Variants in GATD1 observed in about 807,000 individuals in gnomAD.
GATD1 encodes glutamine amidotransferase class 1 domain containing 1.
GATD1 carries 23 observed loss-of-function variants against 25.9 expected under a neutral mutation model. The ratio of observed to expected loss-of-function variants is 0.89; its 90% confidence interval spans 0.64 to 1.26. The LOEUF (loss-of-function observed/expected upper bound fraction) is 1.26. GATD1 is among the 50% of genes most tolerant of loss of function. The pLI is 0.00. For missense variants in GATD1, 347 were observed against 312.5 expected, an observed-to-expected ratio of 1.11 and a Z score of -0.83; for synonymous variants, 177 against 134.6, an observed-to-expected ratio of 1.31 and a Z score of -2.18.
chr11:774,336 T>C (rs1299723151), intron 2 of GATD1, among the ~76,000 whole-genome samples: 2 of 152,228 alleles, frequency 1.3e-5, no homozygotes, highest in East Asian at 1.9e-4. Flanking sequence ...CAAAAATTTT[T>C]ATACATAATA....
rs368824104 is a variant in GATD1 at position 775,100 on chromosome 11, C to T, written c.107G>A (p.Ser36Asn). Residue 36 changes from serine to asparagine, a missense_variant, in exon 2 of 8, where the codon AGC (serine) becomes AAC (asparagine). Ser to Asn is a conservative substitution (Grantham distance 46, BLOSUM62 1). Coordinates refer to ENST00000319863, the MANE Select transcript of GATD1 (RefSeq NM_182612.4). The stretch of plus-strand genomic sequence containing the variant: ...GGCCACCTGCAGGTTGAAGGCGGTG[C>T]TGGCCATCGTGAAACAGTGGAGGAA... The part of the protein sequence containing the change: ...QSFLHCFTMA[S>N]TAFNLQVATP... The T allele has an allele frequency of 2.5e-4, 397 of 1,605,814 alleles. 2 individuals are homozygous for T. Among genetic ancestry groups the T allele is most frequent in the Non-Finnish European group, 2.0e-4 (236 of 1,177,324 alleles).
chr11:774,987 C>T (rs1038378111), intron 2 of GATD1, 79 bp downstream of exon 2: 46 of 1,324,690 alleles, frequency 3.5e-5, no homozygotes, highest in East Asian at 5.0e-5. Context: ...CAGGCCGCGG[C>T]GGCAGTCTCC....
Position 767,479 on chromosome 11 carries a change from G to GGTCT in GATD1, c.*3414_*3417dup, listed in dbSNP as rs1863120208. On this transcript the variant is annotated 3_prime_UTR_variant, in exon 8 of 8. Transcript: ENST00000319863. ...CCTGCAGGCAGCTCACGCGGAGACAGGTCTGTGGGGCCCCGCGTCAGAACC... is the reference window on the plus strand; with the variant it reads ...CCTGCAGGCAGCTCACGCGGAGACAGGTCTGTCTGTGGGGCCCCGCGTCAGAACC... 1 of 1,440,288 alleles carries GGTCT rather than the reference G, an allele frequency of 6.9e-7. No individual in the cohort carries two copies. Among genetic ancestry groups the GGTCT allele is most frequent in the African/African-American group, 1.4e-5 (1 of 69,838 alleles). 89.2% of individuals were successfully genotyped at this position (1,440,288 alleles called of 1,614,324 possible).
chr11:770,107 G>A lies in GATD1; in HGVS notation c.*790C>T. The A allele has an allele frequency of 8.2e-7, 1 of 1,217,620 alleles. No homozygotes were observed. Among genetic ancestry groups the A allele is most frequent in the Non-Finnish European group, 1.0e-6 (1 of 978,302 alleles). The allele number at this position is 1,217,620 out of a possible 1,614,324, so 75.4% of individuals were successfully genotyped here. On this transcript the variant is annotated 3_prime_UTR_variant, in exon 8 of 8. Coordinates refer to ENST00000319863, the MANE Select transcript of GATD1 (RefSeq NM_182612.4). ...TCCTGGACGCCCTAACCTGGGGCCA[G>A]GGGGCAGCCCGCTGGAGGGCCACAG...
intron 2 of GATD1, among the ~76,000 whole-genome samples, chr11:774,440 G>A (rs866214805): frequency 2.0e-5 from 3 of 152,366 alleles, no homozygotes; most frequent in Middle Eastern, 3.4e-3. Context: ...ATCAGAGGGT[G>A]GAGAATTCCT....
At chr11:772,561 A>AC in intron 4 of GATD1, 40 bp from the exon 5 acceptor site, 1 of 1,575,664 alleles carries the variant, frequency 6.3e-7, no homozygotes, top group Non-Finnish European at 8.7e-7. Context: ...GGACCCCGCC[A>AC]CCCGCACCCT....
intron 4 of GATD1, among the ~76,000 whole-genome samples, chr11:773,139 G>A (rs772431267): frequency 1.3e-5 from 2 of 152,174 alleles, no homozygotes; most frequent in African/African-American, 2.4e-5. Flanking sequence ...AGCCCAACCC[G>A]GAGCCGGGGC....
intron 1 of GATD1, 173 bp downstream of exon 1, chr11:777,223 CGAG>C: frequency 1.4e-5 from 4 of 282,418 alleles, no homozygotes; most frequent in Non-Finnish European, 1.9e-5. Flanking sequence ...GTCCCCGCCC[CGAG>C]CTCCATCCCG....
intron 1 of GATD1, 119 bp downstream of exon 1, chr11:777,280 C>A: frequency 2.6e-6 from 2 of 779,640 alleles, no homozygotes; most frequent in Non-Finnish European, 3.4e-6. Flanking sequence ...GCCCGGCGCC[C>A]CCAGCGGCCT....
At chr11:773,315 A>C in intron 4 of GATD1, 2 of 528,950 alleles carry the variant, frequency 3.8e-6, no homozygotes, top group East Asian at 3.6e-5. Context: ...AGAGGCCTGC[A>C]AGATGGTCAC....
In GATD1 at chr11:774,135, G is replaced by A. The variant is rs191166679; in HGVS notation, c.142-22C>T. Reference sequence around the variant, plus strand: ...TCCCCTGGAGAAGCAGAGCCCAGGGGCCGAGGGTCAGCACCAGGGATATCC... The same window carrying A: ...TCCCCTGGAGAAGCAGAGCCCAGGGACCGAGGGTCAGCACCAGGGATATCC... On this transcript the variant is annotated intron_variant, in intron 2 of 7. Transcript: ENST00000319863. The A allele has an allele frequency of 1.3e-3, 2,089 of 1,601,906 alleles. 3 individuals are homozygous for A. The highest frequency in any genetic ancestry group is 3.0e-3 in the Middle Eastern group (18 of 6,046).
At chr11:775,009 C>T in intron 2 of GATD1, 57 bp downstream of exon 2, 1 of 1,502,510 alleles carries the variant, frequency 6.7e-7, no homozygotes, top group Admixed American at 2.0e-5. Flanking sequence ...GACCTTGCCC[C>T]CGGAGAGGTG....
chr11:770,568 A>T lies in GATD1; in HGVS notation c.*329T>A. The T allele has an allele frequency of 7.1e-7, 1 of 1,411,300 alleles. No individual in the cohort carries two copies. Among genetic ancestry groups the T allele is most frequent in the Non-Finnish European group, 9.2e-7 (1 of 1,085,354 alleles). 87.4% of individuals were successfully genotyped at this position (1,411,300 alleles called of 1,614,324 possible). A position where few individuals can be genotyped will look rare whatever the true frequency, so the allele number is the denominator to read the frequency against. On this transcript the variant is annotated 3_prime_UTR_variant, in exon 8 of 8. Transcript: ENST00000319863. ...AGCCGACTCTGTCTAGTCAACAGTGACCACACGTGACAACCAGTCCTCCCT... is the reference window on the plus strand; with the variant it reads ...AGCCGACTCTGTCTAGTCAACAGTGTCCACACGTGACAACCAGTCCTCCCT...
intron 4 of GATD1, chr11:773,187 C>T: frequency 3.0e-6 from 1 of 330,438 alleles, no homozygotes; most frequent in Non-Finnish European, 5.6e-6. Flanking sequence ...CCTCCCTGCA[C>T]CCCTGCTGGC....
Position 770,169 on chromosome 11 carries a change from G to T in GATD1, c.*728C>A. Reference sequence around the variant, plus strand: ...TGCCCAGCAGGCTGGACCACTGTCTGCTCTTGATAGCCGCTCTACCCGAGG... The same window carrying T: ...TGCCCAGCAGGCTGGACCACTGTCTTCTCTTGATAGCCGCTCTACCCGAGG... On this transcript the variant is annotated 3_prime_UTR_variant, in exon 8 of 8. Coordinates refer to ENST00000319863, the MANE Select transcript of GATD1 (RefSeq NM_182612.4). 1 of 1,273,226 alleles carries T rather than the reference G, an allele frequency of 7.9e-7. No individual in the cohort carries two copies. The highest frequency in any genetic ancestry group is 3.6e-5 in the Admixed American group (1 of 27,886). 78.9% of individuals were successfully genotyped at this position (1,273,226 alleles called of 1,614,324 possible). A position where few individuals can be genotyped will look rare whatever the true frequency, so the allele number is the denominator to read the frequency against.
At position 767,242 on chromosome 11, in the gene GATD1, T is replaced by A; in HGVS notation, c.*3655A>T. 2.0e-6 allele frequency: 3 copies of A among 1,535,924 alleles called. No individual in the cohort carries two copies. Among genetic ancestry groups the A allele is most frequent in the Non-Finnish European group, 2.6e-6 (3 of 1,146,780 alleles). On this transcript the variant is annotated 3_prime_UTR_variant, in exon 8 of 8. Coordinates refer to ENST00000319863, the MANE Select transcript of GATD1 (RefSeq NM_182612.4). ...CACCATTTGCATGCTGCTGCATGGT[T>A]TTATTCCTCATGGGTAGATGAACAC...
chr11:777,390 G>A lies in GATD1; in HGVS notation c.64+9C>T, dbSNP rs57751948. On this transcript the variant is annotated intron_variant, in intron 1 of 7. Coordinates refer to ENST00000319863, the MANE Select transcript of GATD1 (RefSeq NM_182612.4). Reference sequence around the variant, plus strand: ...TCTTCGGACACTGGCCCCGGCCGCCGGGCCTCACCTTCGGCGGCGCCGCTG... The same window carrying A: ...TCTTCGGACACTGGCCCCGGCCGCCAGGCCTCACCTTCGGCGGCGCCGCTG... The A allele has an allele frequency of 0.019, 24,078 of 1,295,704 alleles. 1,935 individuals carry two copies. In the East Asian group the frequency reaches 0.28, roughly 15 times the overall value. The allele number at this position is 1,295,704 out of a possible 1,614,324, so 80.3% of individuals were successfully genotyped here.
chr11:771,119 G>C lies in GATD1; in HGVS notation c.545-15C>G. The C allele has an allele frequency of 1.3e-6, 2 of 1,575,910 alleles. No homozygotes were observed. The highest frequency in any genetic ancestry group is 2.3e-5 in the South Asian group (2 of 87,442). ...AGGCTCGCTTGCTGGGGAGGACCGAGGGCACCAACCTCAGGCAATGTCCAC... is the reference window on the plus strand; with the variant it reads ...AGGCTCGCTTGCTGGGGAGGACCGACGGCACCAACCTCAGGCAATGTCCAC... On this transcript the variant is annotated splice_polypyrimidine_tract_variant and intron_variant, in intron 6 of 7. Coordinates refer to ENST00000319863, the MANE Select transcript of GATD1 (RefSeq NM_182612.4).
Position 770,453 on chromosome 11 carries a change from G to A in GATD1, c.*444C>T, listed in dbSNP as rs1863329705. The stretch of plus-strand genomic sequence containing the variant: ...GTTCTGAGCCAGCTCCCGCCGGCTG[G>A]GCCCTCCCCTCAAGGCCCCCACCAA... On this transcript the variant is annotated 3_prime_UTR_variant, in exon 8 of 8. Transcript: ENST00000319863. The A allele has an allele frequency of 2.7e-6, 4 of 1,475,226 alleles. No homozygotes were observed. The highest frequency in any genetic ancestry group is 1.8e-6 in the Non-Finnish European group (2 of 1,113,244). 91.4% of individuals were successfully genotyped at this position (1,475,226 alleles called of 1,614,324 possible).
Sources: allele counts gnomAD v4.1 joint callset (sites outside exome capture counted in the v4.1 genomes callset), GRCh38; gene constraint gnomAD v4.1.1; transcripts MANE v1.5; gene names NCBI Gene and HGNC (gene_info 2026-07-23, HGNC 2026-07-21).